MAST4: variants seen among roughly 807,000 people sequenced by gnomAD.
The protein encoded by MAST4 is microtubule-associated serine/threonine-protein kinase 4.
A neutral mutation model predicts 162.7 loss-of-function variants in MAST4; 89 were observed. That is an observed-to-expected ratio of 0.55 (90% CI 0.46 to 0.65). The LOEUF (loss-of-function observed/expected upper bound fraction) is 0.65, where lower values mean the gene tolerates loss of function less well. Ranked by LOEUF, MAST4 falls within the 30% of genes least tolerant of loss-of-function variation. The probability of loss-of-function intolerance (pLI) is 0.00; values close to 1 mark genes in which losing one functional copy is unlikely to be tolerated. For missense variants in MAST4, 3,153 were observed against 3,374.0 expected, an observed-to-expected ratio of 0.93 and a Z score of 1.62; for synonymous variants, 1,479 against 1,361.1, an observed-to-expected ratio of 1.09 and a Z score of -1.91.
At chr5:66,636,082 C>T (rs911110872) in intron 1 of MAST4, among the ~76,000 whole-genome samples, 2 of 150,426 alleles carry the variant, frequency 1.3e-5, no homozygotes, top group East Asian at 2.0e-4. Flanking sequence ...CTCAGCCTCC[C>T]GAGTAGCTGG....
rs1486642040 is a variant in MAST4 at position 67,163,631 on chromosome 5, G to A, written c.4452G>A (p.Ala1484=). ...AGCGGGAGCAGTCCCAGCGGGAGGC[G>A]CCGCTGCAGAGCCTGGATGAGAACG... is the stretch of plus-strand genomic sequence containing the variant. ...EVQREQSQRE[A]PLQSLDENVC... Residue 1484 remains alanine, a synonymous_variant, in exon 29 of 29, where the codon GCG becomes GCA. Coordinates refer to ENST00000403625, the MANE Select transcript of MAST4 (RefSeq NM_001164664.2). This position sits in a 1 kb window ranked among gnomAD's most constrained non-coding sequence, Gnocchi z 7.0. 6.2e-7 allele frequency: 1 copy of A among 1,605,302 alleles called. No individual in the cohort carries two copies. Among genetic ancestry groups the A allele is most frequent in the Non-Finnish European group, 8.5e-7 (1 of 1,176,546 alleles).
chr5:66,963,723 C>G, intron 4 of MAST4: 1 of 779,838 alleles, frequency 1.3e-6, no homozygotes, highest in South Asian at 1.3e-5. Flanking sequence ...TCCCAGGAGC[C>G]TGAGTCCAAC....
chr5:66,693,311 A>G (rs767527654), intron 1 of MAST4, among the ~76,000 whole-genome samples: 1 of 152,232 alleles, frequency 6.6e-6, no homozygotes, highest in Non-Finnish European at 1.5e-5. Flanking sequence ...TCTAAAAAAA[A>G]TCTAAGAATA....
At chr5:67,039,310 A>C (rs1756430172) in intron 4 of MAST4, among the ~76,000 whole-genome samples, 1 of 152,170 alleles carries the variant, frequency 6.6e-6, no homozygotes, top group Non-Finnish European at 1.5e-5. Flanking sequence ...TTCAATATGG[A>C]AAGTTGACAC....
intron 3 of MAST4, among the ~76,000 whole-genome samples, chr5:66,810,683 C>T (rs1321379812): frequency 6.6e-6 from 1 of 152,158 alleles, no homozygotes; most frequent in African/African-American, 2.4e-5. Context: ...CCTTCTTCTC[C>T]AGTGTAGCCA....
chr5:66,661,228 TC>T (rs1249036116), intron 1 of MAST4, among the ~76,000 whole-genome samples: 1 of 152,204 alleles, frequency 6.6e-6, no homozygotes, highest in Non-Finnish European at 1.5e-5. Context: ...ACTCCGATGT[TC>T]CTTTGGGAAA....
intron 4 of MAST4, chr5:66,902,737 G>T: frequency 6.4e-6 from 3 of 468,264 alleles, no homozygotes; most frequent in South Asian, 1.6e-5. Flanking sequence ...AGATTGTCAG[G>T]TAACTCCAGA....
chr5:67,116,028 T>C (rs901614604), intron 12 of MAST4, among the ~76,000 whole-genome samples: 3 of 152,212 alleles, frequency 2.0e-5, no homozygotes, highest in Non-Finnish European at 4.4e-5. Flanking sequence ...CACTGTAGGC[T>C]GAACTTTGGT....
At chr5:66,816,269 AT>A (rs1756715168) in intron 3 of MAST4, among the ~76,000 whole-genome samples, 1 of 150,454 alleles carries the variant, frequency 6.6e-6, no homozygotes, top group Non-Finnish European at 1.5e-5. Context: ...GTGTTCATGT[AT>A]TTTTTGTGTG....
At chr5:66,661,125 C>T (rs896849088) in intron 1 of MAST4, among the ~76,000 whole-genome samples, 4 of 152,096 alleles carry the variant, frequency 2.6e-5, no homozygotes, top group African/African-American at 4.8e-5. Flanking sequence ...TGGCAAGAAA[C>T]GCAACGTGAA....
At chr5:67,145,024 C>A in intron 22 of MAST4, 120 bp from the exon 23 acceptor site, 1 of 926,258 alleles carries the variant, frequency 1.1e-6, no homozygotes, top group Non-Finnish European at 1.7e-6. Flanking sequence ...AGAACCATTG[C>A]ACTAGACATC....
rs370983941 is a variant in MAST4 at position 66,798,070 on chromosome 5, A to G, written c.642+9276A>G. Reference sequence around the variant, plus strand: ...TAAGTTAAGCTAGTCTTTTTAATTTAGGAAATCTCCAAGGTGGAAAGCATG... The same window carrying G: ...TAAGTTAAGCTAGTCTTTTTAATTTGGGAAATCTCCAAGGTGGAAAGCATG... On this transcript the variant is annotated intron_variant, in intron 3 of 28. Coordinates refer to ENST00000403625, the MANE Select transcript of MAST4 (RefSeq NM_001164664.2). Among the ~76,000 whole-genome samples, 9 of 152,204 alleles carry G rather than the reference A, an allele frequency of 5.9e-5. 1 individual carries two copies. The South Asian group carries it at 1.9e-3, about 31-fold the overall frequency.
chr5:66,950,822 T>C (rs1351500333), intron 4 of MAST4, among the ~76,000 whole-genome samples: 2 of 152,072 alleles, frequency 1.3e-5, no homozygotes, highest in Non-Finnish European at 2.9e-5. Context: ...CCAGATCATA[T>C]GGTAATTCTA....
chr5:66,766,058 A>C (rs1754080962), intron 2 of MAST4, among the ~76,000 whole-genome samples: 1 of 152,184 alleles, frequency 6.6e-6, no homozygotes, highest in Non-Finnish European at 1.5e-5. Context: ...ATCATTATAG[A>C]GACCCTTAAG....
At chr5:66,966,840 C>T (rs1233517706) in intron 4 of MAST4, among the ~76,000 whole-genome samples, 1 of 152,186 alleles carries the variant, frequency 6.6e-6, no homozygotes, top group East Asian at 1.9e-4. Flanking sequence ...AGTTGACTTA[C>T]TTACACTGCA....
intron 4 of MAST4, among the ~76,000 whole-genome samples, chr5:66,993,695 AAGTAATCC>A (rs1750293933): frequency 1.3e-5 from 2 of 152,180 alleles, no homozygotes; most frequent in Admixed American, 1.3e-4. Context: ...GAGGAGCTTA[AAGTAATCC>A]AGTATTTCTG....
Position 67,130,258 on chromosome 5 carries a change from G to A in MAST4, c.1794G>A (p.Met598Ile), listed in dbSNP as rs1334541828. 6.2e-7 allele frequency: 1 copy of A among 1,613,716 alleles called. No homozygotes were observed. Among genetic ancestry groups the A allele is most frequent in the East Asian group, 2.2e-5 (1 of 44,874 alleles). Residue 598 changes from methionine to isoleucine, a missense_variant, in exon 15 of 29, where the codon ATG (methionine) becomes ATA (isoleucine). By Grantham distance (10) the Met-to-Ile change is conservative (BLOSUM62 1). Around this residue, in one of 7 missense-constraint regions of MAST4, gnomAD observed 131 missense variants for 253.8 expected, o/e 0.52. Transcript: ENST00000403625. ...RHKESRQRFA[M>I]KKINKQNLIL... is the part of the protein sequence containing the mutation. ...AAGAATCCCGGCAGAGGTTTGCCAT[G>A]AAGAAGATTAATAAACAGAACCTCA...
At chr5:66,986,361 GA>G (rs1401079469) in intron 4 of MAST4, 1 of 963,088 alleles carries the variant, frequency 1.0e-6, no homozygotes, top group Non-Finnish European at 1.6e-6. Context: ...TTGTTACACA[GA>G]GAAATACTTG....
intron 7 of MAST4, among the ~76,000 whole-genome samples, chr5:67,098,453 C>T (rs759521058): frequency 3.3e-5 from 5 of 152,008 alleles, no homozygotes; most frequent in South Asian, 4.1e-4. Context: ...GACATTCTCC[C>T]GTATGTTTCT....
Sources: gnomAD v4.1 joint callset for allele counts (sites outside exome capture counted in the v4.1 genomes callset) on GRCh38, gnomAD v4.1.1 for gene constraint, gnomAD v4.1.1 regional missense constraint, Gnocchi (gnomAD v3.1) non-coding constraint, MANE v1.5 for transcripts, NCBI Gene and HGNC (gene_info 2026-07-23, HGNC 2026-07-21) for gene names.